The following MROH1 variants were observed in gnomAD, a reference collection of about 807,000 sequenced individuals.
MROH1 encodes maestro heat-like repeat-containing protein family member 1.
MROH1 carries 117 observed loss-of-function variants against 116.5 expected under a neutral mutation model. That is an observed-to-expected ratio of 1.00 (90% confidence interval 0.86 to 1.17). The LOEUF is 1.17. Among genes scored for constraint, MROH1 ranks in the 50% most tolerant of loss-of-function variants. The probability of loss-of-function intolerance (pLI) is 0.00; values close to 1 mark genes in which losing one functional copy is unlikely to be tolerated. For missense variants in MROH1, 1,873 were observed against 1,338.5 expected (o/e 1.40, Z -6.23); for synonymous variants, 921 against 583.9 (o/e 1.58, Z -8.32).
chr8:144,194,375 C>T (rs1003464657), intron 10 of MROH1, among the ~76,000 whole-genome samples: 1 of 152,050 alleles, frequency 6.6e-6, no homozygotes, highest in Non-Finnish European at 1.5e-5. Flanking sequence ...AAATTCTTAA[C>T]AACTAAGATT....
intron 12 of MROH1, among the ~76,000 whole-genome samples, chr8:144,219,614 A>G (rs1448920939): frequency 6.6e-6 from 1 of 152,102 alleles, no homozygotes; most frequent in African/African-American, 2.4e-5. Context: ...TCATCCTCCT[A>G]ACCCAGGGCT....
chr8:144,159,872 A>C (rs371874610), intron 1 of MROH1, among the ~76,000 whole-genome samples: 2 of 146,468 alleles, frequency 1.4e-5, no homozygotes, highest in Non-Finnish European at 3.0e-5. Flanking sequence ...GGTTCACGCC[A>C]TTCTCCTGCC....
rs1161687289 is a variant in MROH1, at chr8:144,230,802, CTTTTTT to C, written c.1338+7591_1338+7596del. ...GGATTTTTCTTCACTAAAAGGTTTTCTTTTTTTTTTTTTTTTTTTTTTTTAATTGAT... is the reference window on the plus strand; with the variant it reads ...GGATTTTTCTTCACTAAAAGGTTTTCTTTTTTTTTTTTTTTTTTAATTGAT... On this transcript the variant is annotated intron_variant, in intron 14 of 43. Coordinates refer to ENST00000326134, the MANE Select transcript of MROH1 (RefSeq NM_032450.3). Among the ~76,000 whole-genome samples, 19 of 68,620 alleles carry C rather than the reference CTTTTTT, an allele frequency of 2.8e-4. No individual in the cohort carries two copies. In the East Asian group the frequency reaches 3.2e-3, roughly 12 times the overall value. 45.0% of individuals were successfully genotyped at this position (68,620 alleles called of 152,430 possible).
intron 35 of MROH1, 123 bp from the exon 36 acceptor site, chr8:144,258,654 T>C (rs1211730640): frequency 1.0e-5 from 7 of 682,498 alleles, no homozygotes; most frequent in Non-Finnish European, 1.9e-5. Context: ...GGAGAGTGGC[T>C]CTGGCAGGGA....
intron 35 of MROH1, among the ~76,000 whole-genome samples, chr8:144,257,484 T>C (rs1363852069): frequency 6.6e-6 from 1 of 152,116 alleles, no homozygotes; most frequent in Non-Finnish European, 1.5e-5. Context: ...GGCCGCCTCA[T>C]TCCTGCCGGC....
In MROH1 at chr8:144,239,055, C is replaced by G; in HGVS notation, c.1467C>G (p.Leu489=). 1 of 778,360 alleles carries G rather than the reference C, an allele frequency of 1.3e-6. No individual in the cohort carries two copies. Among genetic ancestry groups the G allele is most frequent in the East Asian group, 2.4e-5 (1 of 41,258 alleles). 48.2% of individuals were successfully genotyped at this position (778,360 alleles called of 1,614,324 possible). A position where few individuals can be genotyped will look rare whatever the true frequency, so the allele number is the denominator to read the frequency against. ...RMSHVLWPYL[L]QFLTPVRFTG... ...CCTAGGTCCTCTGGCCATACCTGCTCCAGTTCCTCACCCCTGTGCGCTTCA... is the reference window on the plus strand; with the variant it reads ...CCTAGGTCCTCTGGCCATACCTGCTGCAGTTCCTCACCCCTGTGCGCTTCA... The change falls in exon 16 of 44, where the codon CTC becomes CTG. Residue 489 remains leucine (L), a synonymous_variant. Coordinates refer to ENST00000326134, the MANE Select transcript of MROH1 (RefSeq NM_032450.3).
rs1003925977 is a variant in MROH1, at chr8:144,239,333, G to A, written c.1602G>A (p.Pro534=). The A allele has an allele frequency of 9.4e-5, 73 of 779,660 alleles. No individual in the cohort carries two copies. Among genetic ancestry groups the A allele is most frequent in the Middle Eastern group, 6.7e-4 (3 of 4,452 alleles). 48.3% of individuals were successfully genotyped at this position (779,660 alleles called of 1,614,324 possible). A position where few individuals can be genotyped will look rare whatever the true frequency, so the allele number is the denominator to read the frequency against. The stretch of plus-strand genomic sequence containing the variant: ...ACCTCTCATCTCCAGCGAGCCTCCC[G>A]TCTCCCTATGCTGTAACCGGAAGAC... ...LIQYDAHASL[P]SPYAVTGRLL... The change falls in exon 17 of 44, where the codon CCG becomes CCA. Residue 534 remains proline, a synonymous_variant. Coordinates refer to ENST00000326134, the MANE Select transcript of MROH1 (RefSeq NM_032450.3).
intron 1 of MROH1, among the ~76,000 whole-genome samples, chr8:144,156,299 AG>A (rs1446111213): frequency 4.0e-5 from 6 of 151,454 alleles, no homozygotes; most frequent in African/African-American, 1.5e-4. Flanking sequence ...TAGTTAAGGT[AG>A]TTCCCTTCTC....
At chr8:144,220,714 C>G (rs1448033753) in intron 13 of MROH1, 41 bp downstream of exon 13, 1 of 1,516,916 alleles carries the variant, frequency 6.6e-7, no homozygotes, top group Non-Finnish European at 9.0e-7. Flanking sequence ...CACCACACCA[C>G]AGGCAGCTGC....
At position 144,261,200 on chromosome 8, in the gene MROH1, T is replaced by C; in HGVS notation, c.4758T>C (p.Ala1586=). 3.9e-6 allele frequency: 3 copies of C among 765,464 alleles called. No homozygotes were observed. The highest frequency in any genetic ancestry group is 4.8e-6 in the Non-Finnish European group (2 of 417,582). The allele number at this position is 765,464 out of a possible 1,614,324, so 47.4% of individuals were successfully genotyped here. A position where few individuals can be genotyped will look rare whatever the true frequency, so the allele number is the denominator to read the frequency against. The change falls in exon 42 of 44, where the codon GCT becomes GCC. Residue 1586 remains alanine (A), a synonymous_variant. Coordinates refer to ENST00000326134, the MANE Select transcript of MROH1 (RefSeq NM_032450.3). ...GCAGCTGGGAGAACGTCCGAGCTGC[T>C]GCACCCCTGTTCACCGGTAAGCACC... ...FKSSWENVRA[A]APLFTGFLVL...
chr8:144,198,075 T>G (rs114937394), intron 10 of MROH1, among the ~76,000 whole-genome samples: 2,668 of 140,520 alleles, frequency 0.019, 66 homozygotes, highest in African/African-American at 0.065. Flanking sequence ...GAAAGAAAAA[T>G]AAATAACAAG....
intron 33 of MROH1, among the ~76,000 whole-genome samples, chr8:144,253,191 C>G (rs1843134927): frequency 6.6e-6 from 1 of 151,900 alleles, no homozygotes; most frequent in African/African-American, 2.4e-5. Context: ...GCCATCTCTA[C>G]CCTGCCACCC....
At chr8:144,206,290 G>A (rs945191748) in intron 12 of MROH1, among the ~76,000 whole-genome samples, 1 of 152,212 alleles carries the variant, frequency 6.6e-6, no homozygotes. Context: ...AGGACCCTTC[G>A]TGAGCGTAGG....
chr8:144,244,085 G>A (rs1033802477), intron 26 of MROH1, 137 bp from the exon 27 acceptor site: 3 of 701,090 alleles, frequency 4.3e-6, no homozygotes, highest in Non-Finnish European at 7.9e-6. Flanking sequence ...GTGTGCGCAT[G>A]CTGCATGGGG....
intron 1 of MROH1, among the ~76,000 whole-genome samples, chr8:144,156,241 GAA>G (rs1218482716): frequency 0.097 from 5,670 of 58,512 alleles, 417 homozygotes; most frequent in African/African-American, 0.24. Context: ...CCGTCTCAAA[GAA>G]AAAAAAAAAA....
At chr8:144,206,792 C>T (rs1047958101) in intron 12 of MROH1, among the ~76,000 whole-genome samples, 22 of 150,728 alleles carry the variant, frequency 1.5e-4, no homozygotes, top group Non-Finnish European at 2.5e-4. Context: ...CAGAACTTTG[C>T]GAGGCCGAGG....
intron 1 of MROH1, among the ~76,000 whole-genome samples, chr8:144,151,268 A>AC (rs1816713184): frequency 1.3e-5 from 2 of 151,216 alleles, no homozygotes; most frequent in South Asian, 2.1e-4. Flanking sequence ...AAAAAAAAAA[A>AC]AAAAAACCTC....
chr8:144,181,839 C>A (rs533512886), intron 7 of MROH1, among the ~76,000 whole-genome samples: 2 of 152,274 alleles, frequency 1.3e-5, no homozygotes, highest in South Asian at 4.1e-4. Flanking sequence ...ATCGCCCCTT[C>A]CCGCCACTCC....
intron 7 of MROH1, among the ~76,000 whole-genome samples, chr8:144,186,513 G>C (rs1827213530): frequency 6.6e-6 from 1 of 152,190 alleles, no homozygotes; most frequent in Non-Finnish European, 1.5e-5. Flanking sequence ...TGCCCCTGCT[G>C]CTGAACCCAA....
Sources: allele counts gnomAD v4.1 joint callset (sites outside exome capture counted in the v4.1 genomes callset), GRCh38; gene constraint gnomAD v4.1.1; transcripts MANE v1.5; gene names NCBI Gene and HGNC (gene_info 2026-07-23, HGNC 2026-07-21).